Variants in ZBTB7C observed in about 807,000 individuals in gnomAD.
ZBTB7C encodes zinc finger and BTB domain containing 7C.
A neutral mutation model predicts 25.7 loss-of-function variants in ZBTB7C; 8 were observed. That is an observed-to-expected ratio of 0.31 (90% CI 0.18 to 0.56). The LOEUF (loss-of-function observed/expected upper bound fraction) is 0.56, where lower values mean the gene tolerates loss of function less well. Among genes scored for constraint, ZBTB7C ranks in the 20% least tolerant of loss-of-function variants. The pLI is 0.91. For missense variants in ZBTB7C, 824 were observed against 855.2 expected (o/e 0.96, Z 0.46); for synonymous variants, 394 against 369.0 (o/e 1.07, Z -0.78).
rs1280775490 is a variant in ZBTB7C, at chr18:48,040,230, T to G, written c.878A>C (p.Glu293Ala). Reference protein sequence around the residue: ...VIKNRKIKEEEKEELPPPPPP... With the variant: ...VIKNRKIKEEAKEELPPPPPP... ...TGGGGGTGGGGGCAGCTCCTCCTTC[T>G]CCTCCTCCTTGATCTTCCGATTCTT... Residue 293 changes from glutamate (E) to alanine (A), a missense_variant, in exon 4 of 5, where the codon GAG becomes GCG. This residue lies in a region of ZBTB7C where 316 missense variants were observed against 299.2 expected (regional missense o/e 1.06). Coordinates refer to ENST00000590800, the MANE Select transcript of ZBTB7C (RefSeq NM_001318841.2). The G allele has an allele frequency of 6.4e-7, 1 of 1,568,466 alleles. No individual in the cohort carries two copies. The highest frequency in any genetic ancestry group is 8.6e-7 in the Non-Finnish European group (1 of 1,159,450).
chr18:48,203,675 C>G (rs1484972769), intron 2 of ZBTB7C: 1 of 152,162 alleles, frequency 6.6e-6, no homozygotes, highest in African/African-American at 2.4e-5. Context: ...TGCCCCACCC[C>G]CTGGGTTGGG....
intron 2 of ZBTB7C, among the ~76,000 whole-genome samples, chr18:48,241,503 ACT>A (rs1343726653): frequency 1.3e-5 from 2 of 152,118 alleles, no homozygotes; most frequent in African/African-American, 4.8e-5. Context: ...GATATCAAGT[ACT>A]CTCTCAGACC....
intron 2 of ZBTB7C, among the ~76,000 whole-genome samples, chr18:48,188,168 A>G (rs1191829428): frequency 6.6e-6 from 1 of 152,208 alleles, no homozygotes; most frequent in African/African-American, 2.4e-5. Flanking sequence ...AAAGGACATA[A>G]TGGACAGTGT....
chr18:48,041,849 T>C (rs2036257772), intron 3 of ZBTB7C, among the ~76,000 whole-genome samples: 1 of 152,008 alleles, frequency 6.6e-6, no homozygotes, highest in Non-Finnish European at 1.5e-5. Flanking sequence ...AATATAAATA[T>C]AATGCAATAT....
chr18:48,355,618 C>T (rs542233215), intron 1 of ZBTB7C, among the ~76,000 whole-genome samples: 2 of 152,338 alleles, frequency 1.3e-5, no homozygotes, highest in East Asian at 3.9e-4. Flanking sequence ...TTTACCAGCA[C>T]CACTGCACTG....
chr18:48,343,733 C>T (rs1410285925), intron 1 of ZBTB7C, among the ~76,000 whole-genome samples: 1 of 152,194 alleles, frequency 6.6e-6, no homozygotes, highest in African/African-American at 2.4e-5. Context: ...TGTTGGGCTC[C>T]CAGTTTTCAA....
rs539620581 is a variant in ZBTB7C at position 48,237,788 on chromosome 18, G to A, written c.-78-51793C>T. ...TGGTTACCATCAAATATACCAAGAG[G>A]ATTTACAGCAGCATTGTTTATATTT... On this transcript the variant is annotated intron_variant, in intron 2 of 4. Coordinates refer to ENST00000590800, the MANE Select transcript of ZBTB7C (RefSeq NM_001318841.2). Among the ~76,000 whole-genome samples the A allele has an allele frequency of 9.9e-5, 15 of 152,264 alleles. 1 individual carries two copies. Among genetic ancestry groups the A allele is most frequent in the African/African-American group, 3.1e-4 (13 of 41,560 alleles).
chr18:48,119,861 C>T (rs990871437), intron 3 of ZBTB7C, among the ~76,000 whole-genome samples: 5 of 152,136 alleles, frequency 3.3e-5, no homozygotes, highest in Admixed American at 3.3e-4. Context: ...TTGTAACTGG[C>T]TTGGGGTCAG....
intron 3 of ZBTB7C, among the ~76,000 whole-genome samples, chr18:48,045,641 C>G (rs1392826727): frequency 1.3e-5 from 2 of 152,196 alleles, no homozygotes; most frequent in Non-Finnish European, 2.9e-5. Context: ...CACATCCCAT[C>G]CACACTTCAA....
At chr18:48,115,981 C>A (rs1189507398) in intron 3 of ZBTB7C, among the ~76,000 whole-genome samples, 2 of 152,048 alleles carry the variant, frequency 1.3e-5, no homozygotes, top group Non-Finnish European at 2.9e-5. Context: ...ATTTCTTAAA[C>A]TGAGAGAGGG....
chr18:48,042,966 C>G (rs1393321070), intron 3 of ZBTB7C, among the ~76,000 whole-genome samples: 1 of 152,138 alleles, frequency 6.6e-6, no homozygotes, highest in Admixed American at 6.5e-5. Flanking sequence ...GGCAGATAAG[C>G]CATCTAATCT....
intron 3 of ZBTB7C, among the ~76,000 whole-genome samples, chr18:48,112,987 G>A (rs553355637): frequency 9.2e-5 from 14 of 152,278 alleles, no homozygotes; most frequent in Non-Finnish European, 1.5e-4. Context: ...AAGTTTGCCC[G>A]TGTAGACAAC....
At chr18:48,216,653 T>C (rs2042830918) in intron 2 of ZBTB7C, among the ~76,000 whole-genome samples, 2 of 152,050 alleles carry the variant, frequency 1.3e-5, no homozygotes, top group Admixed American at 6.6e-5. Flanking sequence ...TGACAACTTC[T>C]CATCAGAAGC....
chr18:48,191,740 T>C (rs2042202461), intron 2 of ZBTB7C, among the ~76,000 whole-genome samples: 1 of 152,006 alleles, frequency 6.6e-6, no homozygotes, highest in Non-Finnish European at 1.5e-5. Context: ...GGCCCGGGGG[T>C]TGTCCAGCTG....
At chr18:48,243,270 CAAAAAA>C (rs57410285) in intron 2 of ZBTB7C, among the ~76,000 whole-genome samples, 1 of 88,304 alleles carries the variant, frequency 1.1e-5, no homozygotes. Context: ...TACCCCCCCA[CAAAAAA>C]AAAAAAAAAA....
intron 2 of ZBTB7C, among the ~76,000 whole-genome samples, chr18:48,296,083 C>G (rs905992429): frequency 6.6e-6 from 1 of 152,234 alleles, no homozygotes; most frequent in African/African-American, 2.4e-5. Flanking sequence ...TGGGGCTGCA[C>G]CTCCCCCTGA....
At chr18:48,176,877 G>A (rs2041697972) in intron 3 of ZBTB7C, among the ~76,000 whole-genome samples, 1 of 152,204 alleles carries the variant, frequency 6.6e-6, no homozygotes, top group Admixed American at 6.5e-5. Context: ...ACCAGGCCAG[G>A]GAAGAGTTCC....
chr18:48,406,015 A>G (rs1012446624), intron 1 of ZBTB7C, among the ~76,000 whole-genome samples: 3 of 152,134 alleles, frequency 2.0e-5, no homozygotes, highest in Admixed American at 2.0e-4. Context: ...AGTGGGACAC[A>G]GTCATCCTGG....
At chr18:48,050,308 G>A (rs1271308428) in intron 3 of ZBTB7C, among the ~76,000 whole-genome samples, 2 of 152,266 alleles carry the variant, frequency 1.3e-5, no homozygotes, top group South Asian at 4.1e-4. Context: ...AATGCCCCTG[G>A]GCCTTGGCTG....
Sources: gnomAD v4.1 joint callset for allele counts (sites outside exome capture counted in the v4.1 genomes callset) on GRCh38, gnomAD v4.1.1 for gene constraint, gnomAD v4.1.1 regional missense constraint, MANE v1.5 for transcripts, NCBI Gene and HGNC (gene_info 2026-07-23, HGNC 2026-07-21) for gene names.